The following FGFR2 variants were observed in gnomAD, a reference collection of about 807,000 sequenced individuals.
FGFR2 encodes BEK fibroblast growth factor receptor.
Under a neutral mutation model 95.9 loss-of-function variants are expected in FGFR2, and 19 were observed. That is an observed-to-expected ratio of 0.20 (90% CI 0.14 to 0.29). FGFR2 has a LOEUF of 0.29. FGFR2 is among the 10% of genes least tolerant of loss of function. The pLI is 1.00. For missense variants in FGFR2, 707 were observed against 1,056.9 expected (o/e 0.67, Z 4.59); for synonymous variants, 392 against 393.3 (o/e 1.00, Z 0.04).
chr10:121,519,178 T>A (rs556019560), intron 7 of FGFR2, among the ~76,000 whole-genome samples: 1 of 152,162 alleles, frequency 6.6e-6, no homozygotes, highest in Admixed American at 6.5e-5. Context: ...ACTGGAAGAA[T>A]GTTCTTCTTA....
chr10:121,587,627 C>T (rs1358217297), intron 2 of FGFR2, among the ~76,000 whole-genome samples: 1 of 151,940 alleles, frequency 6.6e-6, no homozygotes, highest in Non-Finnish European at 1.5e-5. Flanking sequence ...GACATATATA[C>T]GTCCCACCAG....
intron 2 of FGFR2, among the ~76,000 whole-genome samples, chr10:121,581,464 TGTG>T (rs1590079305): frequency 6.7e-6 from 1 of 149,782 alleles, no homozygotes; most frequent in East Asian, 2.0e-4. Context: ...CAGCCTCAGG[TGTG>T]GTGGCTAACA....
At chr10:121,583,391 G>A (rs1198540884) in intron 2 of FGFR2, 1 of 152,278 alleles carries the variant, frequency 6.6e-6, no homozygotes, top group Non-Finnish European at 1.5e-5. Flanking sequence ...AATAACTGGG[G>A]ACGGCCTGCT....
chr10:121,554,466 G>C (rs1433262470), intron 4 of FGFR2, among the ~76,000 whole-genome samples: 2 of 150,436 alleles, frequency 1.3e-5, no homozygotes. Context: ...AGCCTCCCGA[G>C]TAGCTGGGAC....
intron 5 of FGFR2, 107 bp from the exon 6 acceptor site, chr10:121,538,822 G>C (rs2134615228): frequency 7.0e-7 from 1 of 1,418,688 alleles, no homozygotes; most frequent in Non-Finnish European, 9.8e-7. Flanking sequence ...GAAAGGTATG[G>C]AAGAATCACC....
At position 121,563,920 on chromosome 10, in the gene FGFR2, C is replaced by G. The variant is rs561814871; in HGVS notation, c.454+582G>C. On this transcript the variant is annotated intron_variant, in intron 4 of 17. Coordinates refer to ENST00000358487, the MANE Select transcript of FGFR2 (RefSeq NM_000141.5). ...GTAAGGCACACGTCCTTCATTTTCA[C>G]TCAGCATGAGGTGTGTGTTGTAGGA... Among the ~76,000 whole-genome samples the G allele has an allele frequency of 3.9e-5, 6 of 152,330 alleles. No homozygotes were observed. In the East Asian group the frequency reaches 1.2e-3, roughly 29 times the overall value.
At chr10:121,593,349 A>G (rs1281971240) in intron 2 of FGFR2, among the ~76,000 whole-genome samples, 1 of 152,178 alleles carries the variant, frequency 6.6e-6, no homozygotes, top group African/African-American at 2.4e-5. Flanking sequence ...AATTCTTTAC[A>G]TTGTAAGCAG....
intron 4 of FGFR2, among the ~76,000 whole-genome samples, chr10:121,563,219 CA>C (rs1483332734): frequency 1.3e-5 from 2 of 152,244 alleles, no homozygotes; most frequent in East Asian, 3.9e-4. Context: ...ACTAAAAATA[CA>C]AAAATTAGCC....
intron 4 of FGFR2, chr10:121,564,188 T>C (rs1342986179): frequency 4.9e-6 from 2 of 411,816 alleles, no homozygotes; most frequent in South Asian, 2.3e-5. Context: ...AGATGTTACA[T>C]GGTTCTACTA....
intron 2 of FGFR2, among the ~76,000 whole-genome samples, chr10:121,583,107 TG>T (rs1310997353): frequency 6.6e-6 from 1 of 152,188 alleles, no homozygotes; most frequent in African/African-American, 2.4e-5. Context: ...TTTTCATTCT[TG>T]GAATTTTTTC....
In FGFR2 at chr10:121,593,692, G is replaced by C. The variant is rs200633640; in HGVS notation, c.109+17C>G. ...AAATCCCAAAACAAACCTGAAAAGT[G>C]AAATTAAATGACTTACCTTCTGGCT... is the stretch of plus-strand genomic sequence containing the variant. On this transcript the variant is annotated intron_variant, in intron 2 of 17. Coordinates refer to ENST00000358487, the MANE Select transcript of FGFR2 (RefSeq NM_000141.5). The C allele has an allele frequency of 2.4e-4, 381 of 1,608,668 alleles. No individual in the cohort carries two copies. The highest frequency in any genetic ancestry group is 3.0e-4 in the Non-Finnish European group (349 of 1,175,078).
At chr10:121,562,407 C>T (rs1194881646) in intron 4 of FGFR2, among the ~76,000 whole-genome samples, 1 of 152,000 alleles carries the variant, frequency 6.6e-6, no homozygotes, top group South Asian at 2.1e-4. Context: ...GCCTCAGCCT[C>T]CCGAGTAGCT....
chr10:121,545,869 G>A (rs1450487623), intron 5 of FGFR2, among the ~76,000 whole-genome samples: 1 of 152,068 alleles, frequency 6.6e-6, no homozygotes, highest in African/African-American at 2.4e-5. Context: ...GCTCAATAAT[G>A]CTTTACTCTC....
intron 5 of FGFR2, among the ~76,000 whole-genome samples, chr10:121,546,314 T>C (rs1185159405): frequency 6.6e-6 from 1 of 152,118 alleles, no homozygotes. Context: ...AATCTTCCCA[T>C]TTTAAGGCAA....
chr10:121,520,287 G>C, intron 6 of FGFR2, 118 bp from the exon 7 acceptor site: 1 of 1,024,012 alleles, frequency 9.8e-7, no homozygotes, highest in Non-Finnish European at 1.4e-6. Flanking sequence ...CAAGCCTGCT[G>C]GCTGACACCT....
At chr10:121,509,273 AT>A (rs1040364707) in intron 9 of FGFR2, among the ~76,000 whole-genome samples, 1 of 150,762 alleles carries the variant, frequency 6.6e-6, no homozygotes. Flanking sequence ...CTTGGCAGGC[AT>A]TTTTTTTTAA....
intron 7 of FGFR2, among the ~76,000 whole-genome samples, chr10:121,519,090 G>A (rs1850131093): frequency 6.6e-6 from 1 of 152,198 alleles, no homozygotes; most frequent in African/African-American, 2.4e-5. Context: ...TTTTCCCAAT[G>A]CCTTTGATCC....
In FGFR2 at chr10:121,496,660, G is replaced by A. The variant is rs1564875549; in HGVS notation, c.1735C>T (p.Arg579Trp). The change falls in exon 13 of 18, where the codon CGG becomes TGG. Residue 579 changes from arginine (R) to tryptophan (W), a missense_variant. Physicochemically the swap from Arg to Trp is moderately radical, Grantham distance 101. Around this residue, in one of 7 missense-constraint regions of FGFR2, gnomAD observed 4 missense variants for 18.9 expected, o/e 0.21. Transcript: ENST00000358487. ...KGNLREYLRA[R>W]RPPGMEYSYD... ...GAGTACTCCATCCCGGGTGGCCTCCGGGCTCGGAGGTATTCTCGGAGGTTG... is the reference window on the plus strand; with the variant it reads ...GAGTACTCCATCCCGGGTGGCCTCCAGGCTCGGAGGTATTCTCGGAGGTTG... 4 of 1,612,438 alleles carry A rather than the reference G, an allele frequency of 2.5e-6. No homozygotes were observed. The highest frequency in any genetic ancestry group is 2.2e-5 in the East Asian group (1 of 44,806).
intron 6 of FGFR2, chr10:121,526,991 C>T: frequency 2.7e-6 from 1 of 374,558 alleles, no homozygotes; most frequent in Non-Finnish European, 4.7e-6. Flanking sequence ...AATGAAGTGT[C>T]CTCCCTCCAG....
Sources: allele counts gnomAD v4.1 joint callset (sites outside exome capture counted in the v4.1 genomes callset), GRCh38; gene constraint gnomAD v4.1.1; regional missense constraint gnomAD v4.1.1; transcripts MANE v1.5; gene names NCBI Gene and HGNC (gene_info 2026-07-23, HGNC 2026-07-21).